Variants in TYW1 observed in about 807,000 individuals in gnomAD.
TYW1 encodes S-adenosyl-L-methionine-dependent tRNA 4-demethylwyosine synthase TYW1.
A neutral mutation model predicts 96.2 loss-of-function variants in TYW1; 46 were observed. The observed-to-expected ratio is 0.48, with a 90% CI of 0.38 to 0.61. TYW1 has a LOEUF of 0.61. Ranked by LOEUF, TYW1 falls within the 20% of genes least tolerant of loss-of-function variation. The pLI is 0.00. For missense variants in TYW1, 684 were observed against 909.6 expected (o/e 0.75, Z 3.19); for synonymous variants, 274 against 323.0 (o/e 0.85, Z 1.63).
chr7:67,052,886 T>C (rs1795399636), intron 8 of TYW1, among the ~76,000 whole-genome samples: 1 of 151,530 alleles, frequency 6.6e-6, no homozygotes, highest in African/African-American at 2.4e-5. Flanking sequence ...AGTAATTGCG[T>C]GCCCACTACC....
At chr7:67,032,885 C>CTTTTTTTTTTTTTTTTT (rs778743156) in intron 7 of TYW1, among the ~76,000 whole-genome samples, 4 of 76,278 alleles carry the variant, frequency 5.2e-5, no homozygotes, top group Admixed American at 1.9e-4. Flanking sequence ...AGAAGTATAC[C>CTTTTTTTTTTTTTTTTT]TTTTTTTTTT....
intron 15 of TYW1, among the ~76,000 whole-genome samples, chr7:67,205,754 C>T (rs1800774116): frequency 6.6e-6 from 1 of 151,830 alleles, no homozygotes; most frequent in Admixed American, 6.6e-5. Flanking sequence ...CTAGGCTGCC[C>T]TGTTCCTGCT....
intron 13 of TYW1, among the ~76,000 whole-genome samples, chr7:67,121,354 G>A (rs1797753939): frequency 6.6e-6 from 1 of 152,144 alleles, no homozygotes; most frequent in Admixed American, 6.5e-5. Flanking sequence ...CGGTTAATAT[G>A]GTGAAACCCC....
At chr7:67,010,472 A>G (rs572267024) in intron 4 of TYW1, among the ~76,000 whole-genome samples, 26 of 150,242 alleles carry the variant, frequency 1.7e-4, no homozygotes, top group African/African-American at 6.3e-4. Flanking sequence ...TGCTAATTTT[A>G]AAAGATTTTT....
intron 12 of TYW1, among the ~76,000 whole-genome samples, chr7:67,107,442 AAGAG>A (rs903438661): frequency 1.3e-5 from 2 of 151,936 alleles, no homozygotes; most frequent in South Asian, 2.1e-4. Flanking sequence ...GGATGGGCTA[AAGAG>A]AGAGAGAGAA....
chr7:67,037,280 G>A (rs1376035479), intron 7 of TYW1, among the ~76,000 whole-genome samples: 1 of 152,098 alleles, frequency 6.6e-6, no homozygotes, highest in African/African-American at 2.4e-5. Context: ...GGCCGAGGCA[G>A]GTGGATCACC....
rs531919446 is a variant in TYW1, at chr7:67,017,964, G to T, written c.682G>T (p.Asp228Tyr). ...AAGCAAGCACGGCAGCATTGAGGCC[G>T]ACTTCAGAGCATGGAAGACCAAGTT... ...VKSKHGSIEA[D>Y]FRAWKTKFIS... The change falls in exon 6 of 16, where the codon GAC becomes TAC. Residue 228 changes from aspartate to tyrosine, a missense_variant. Coordinates refer to ENST00000359626, the MANE Select transcript of TYW1 (RefSeq NM_018264.4). The T allele has an allele frequency of 6.8e-6, 11 of 1,614,018 alleles. No homozygotes were observed. The highest frequency in any genetic ancestry group is 2.7e-5 in the African/African-American group (2 of 74,924).
intron 8 of TYW1, 109 bp downstream of exon 8, chr7:67,050,175 A>G (rs1359937207): frequency 8.0e-7 from 1 of 1,253,730 alleles, no homozygotes; most frequent in Non-Finnish European, 1.1e-6. Context: ...TCATAGTGGC[A>G]GATATAACAG....
rs778218610 is a variant in TYW1, at chr7:67,050,081, G to A, written c.1102+15G>A. The A allele has an allele frequency of 5.0e-6, 8 of 1,611,624 alleles. No homozygotes were observed. The highest frequency in any genetic ancestry group is 1.3e-5 in the African/African-American group (1 of 74,706). On this transcript the variant is annotated intron_variant, in intron 8 of 15. Coordinates refer to ENST00000359626, the MANE Select transcript of TYW1 (RefSeq NM_018264.4). ...TACTAAACAAGGTGAAAATCTTCAA[G>A]AATTGTTGTTATATGACTGTAGTCT...
chr7:67,069,667 AGGTGGAGGGTGCAAT>A (rs1005614456), intron 10 of TYW1, among the ~76,000 whole-genome samples: 129 of 152,244 alleles, frequency 8.5e-4, no homozygotes, highest in African/African-American at 3.1e-3. Context: ...TAAGCCTGGG[AGGTGGAGGGTGCAAT>A]GAGCCTTGAT....
intron 10 of TYW1, among the ~76,000 whole-genome samples, chr7:67,078,403 T>C (rs1336186299): frequency 6.6e-6 from 1 of 152,074 alleles, no homozygotes; most frequent in African/African-American, 2.4e-5. Context: ...CTATAGTATA[T>C]TTTGAAGTCA....
At chr7:67,017,731 C>T (rs779527643) in intron 5 of TYW1, 122 bp from the exon 6 acceptor site, 1 of 1,366,128 alleles carries the variant, frequency 7.3e-7, no homozygotes, top group Non-Finnish European at 9.9e-7. Context: ...CCAGCAATTT[C>T]CTCTTCCTTA....
intron 11 of TYW1, among the ~76,000 whole-genome samples, chr7:67,091,254 G>GT (rs901016297): frequency 7.3e-5 from 11 of 150,830 alleles, no homozygotes; most frequent in African/African-American, 2.4e-4. Context: ...ATGAATTCAT[G>GT]TTTTTTTTAG....
chr7:67,088,601 T>G (rs1162179103), intron 11 of TYW1, among the ~76,000 whole-genome samples: 2 of 152,204 alleles, frequency 1.3e-5, no homozygotes, highest in African/African-American at 4.8e-5. Context: ...TCTTGTTCTG[T>G]TGCCCAGGCT....
rs571654272 is a variant in TYW1, at chr7:67,097,383, G to C, written c.1385-1158G>C. Among the ~76,000 whole-genome samples, 4 of 152,252 alleles carry C rather than the reference G, an allele frequency of 2.6e-5. No homozygotes were observed. The East Asian group carries it at 7.7e-4, about 29-fold the overall frequency. ...CTCTGATGAAACAGACTCTTTAGAG[G>C]TGGACCTAGGTGGCAGTATTTTTGG... On this transcript the variant is annotated intron_variant, in intron 11 of 15. Transcript: ENST00000359626.
chr7:67,115,797 T>C (rs1044441503), intron 12 of TYW1, among the ~76,000 whole-genome samples: 1 of 152,224 alleles, frequency 6.6e-6, no homozygotes, highest in Admixed American at 6.5e-5. Context: ...GTGAATTGTA[T>C]GGCATGTGAG....
intron 12 of TYW1, among the ~76,000 whole-genome samples, chr7:67,113,332 T>C (rs1178795238): frequency 1.3e-5 from 2 of 152,296 alleles, no homozygotes; most frequent in Middle Eastern, 3.4e-3. Flanking sequence ...TGAATAAATG[T>C]TGAATGAAGT....
chr7:67,181,490 C>T (rs1293624735), intron 13 of TYW1, among the ~76,000 whole-genome samples: 3 of 152,102 alleles, frequency 2.0e-5, no homozygotes, highest in Non-Finnish European at 4.4e-5. Flanking sequence ...TCCTTATTAA[C>T]GATCTCTTAG....
intron 6 of TYW1, among the ~76,000 whole-genome samples, chr7:67,023,100 T>C (rs1794330914): frequency 6.6e-6 from 1 of 152,142 alleles, no homozygotes; most frequent in South Asian, 2.1e-4. Flanking sequence ...TTAATTTTTT[T>C]CTTTTCTTTT....
Sources: gnomAD v4.1 joint callset for allele counts (sites outside exome capture counted in the v4.1 genomes callset) on GRCh38, gnomAD v4.1.1 for gene constraint, MANE v1.5 for transcripts, NCBI Gene and HGNC (gene_info 2026-07-23, HGNC 2026-07-21) for gene names.